The following NGLY1 variants were observed in gnomAD, a reference collection of about 807,000 sequenced individuals.
NGLY1 encodes the protein peptide-N(4)-(N-acetyl-beta-glucosaminyl)asparagine amidase.
In NGLY1, 68 loss-of-function variants were observed where a neutral mutation model predicts 84.6. The ratio of observed to expected loss-of-function variants is 0.80; its 90% CI spans 0.66 to 0.98. The LOEUF (loss-of-function observed/expected upper bound fraction) is 0.98. Ranked by LOEUF, NGLY1 falls within the 50% of genes least tolerant of loss-of-function variation. NGLY1 has a pLI of 0.00. For synonymous variants in NGLY1, 280 were observed against 275.2 expected, an observed-to-expected ratio of 1.02 and a Z score of -0.17; for missense variants, 779 against 770.2, an observed-to-expected ratio of 1.01 and a Z score of -0.14.
intron 10 of NGLY1, among the ~76,000 whole-genome samples, chr3:25,722,274 C>CACATATATATAT (rs145856271): frequency 1.3e-4 from 19 of 148,620 alleles, no homozygotes; most frequent in Non-Finnish European, 2.4e-4. Flanking sequence ...TGTATACACA[C>CACATATATATAT]ATATATATAT....
intron 3 of NGLY1, among the ~76,000 whole-genome samples, chr3:25,762,636 A>G (rs1038834324): frequency 6.6e-6 from 1 of 152,164 alleles, no homozygotes; most frequent in African/African-American, 2.4e-5. Context: ...ACCTGGAACT[A>G]TATCTGAATT....
intron 2 of NGLY1, among the ~76,000 whole-genome samples, chr3:25,765,426 C>T (rs554198344): frequency 6.7e-6 from 1 of 149,926 alleles, no homozygotes; most frequent in Admixed American, 6.7e-5. Context: ...TGCACTCCAG[C>T]CTAGGTGACA....
intron 7 of NGLY1, 177 bp from the exon 8 acceptor site, chr3:25,734,159 A>G (rs1705698860): frequency 1.4e-6 from 1 of 697,538 alleles, no homozygotes; most frequent in Non-Finnish European, 2.2e-6. Context: ...CTCACTTCCC[A>G]GGGTCAAGAG....
At chr3:25,764,451 T>A (rs1440745970) in intron 2 of NGLY1, 140 bp from the exon 3 acceptor site, 67 of 961,002 alleles carry the variant, frequency 7.0e-5, no homozygotes, top group Non-Finnish European at 9.0e-5. Flanking sequence ...CTTACCATTA[T>A]GGTTCTTTTT....
At chr3:25,741,044 C>A (rs1241196382) in intron 4 of NGLY1, among the ~76,000 whole-genome samples, 1 of 151,358 alleles carries the variant, frequency 6.6e-6, no homozygotes, top group African/African-American at 2.4e-5. Flanking sequence ...GGGAGAATCA[C>A]CTGAACCTGG....
rs779826640 is a variant in NGLY1 at position 25,732,369 on chromosome 3, T to G, written c.1375A>C (p.Ile459Leu). The change falls in exon 9 of 12, where the codon ATA becomes CTA. Residue 459 changes from isoleucine (I) to leucine (L), a missense_variant. Ile to Leu is a conservative substitution (Grantham distance 5). Transcript: ENST00000280700. ...TPKPGELGGR[I>L]SGSVAWRVAR... ...ACTCTCCAAGCCACTGACCCAGATA[T>G]TCTTCCCCCAAGTTCTCCAGGTTTA... is the stretch of plus-strand genomic sequence containing the variant. 6.2e-7 allele frequency: 1 copy of G among 1,613,802 alleles called. No homozygotes were observed. The highest frequency in any genetic ancestry group is 2.2e-5 in the East Asian group (1 of 44,854).
intron 1 of NGLY1, among the ~76,000 whole-genome samples, chr3:25,779,105 T>C (rs1009736942): frequency 1.3e-5 from 2 of 151,734 alleles, no homozygotes; most frequent in Non-Finnish European, 2.9e-5. Context: ...CTGGCTAATT[T>C]TGCATTTTTT....
chr3:25,760,921 G>A (rs1042793720), intron 3 of NGLY1, among the ~76,000 whole-genome samples: 11 of 104,708 alleles, frequency 1.1e-4, no homozygotes, highest in African/African-American at 4.4e-4. Context: ...AAAAAAAAAA[G>A]CTCGCACACA....
chr3:25,760,800 C>T (rs562811170), intron 3 of NGLY1, among the ~76,000 whole-genome samples: 148 of 131,872 alleles, frequency 1.1e-3, no homozygotes, highest in Non-Finnish European at 1.9e-3. Flanking sequence ...GCAGAAGTTG[C>T]GGTGAGCCGA....
chr3:25,719,420 G>C lies in NGLY1; in HGVS notation c.*40C>G. On this transcript the variant is annotated 3_prime_UTR_variant, in exon 12 of 12. Coordinates refer to ENST00000280700, the MANE Select transcript of NGLY1 (RefSeq NM_018297.4). ...CTGAACCAACAGACTACTTCAGTAAGTCCTTGATTATTGCCAGCTTTTCTA... is the reference window on the plus strand; with the variant it reads ...CTGAACCAACAGACTACTTCAGTAACTCCTTGATTATTGCCAGCTTTTCTA... 6.3e-7 allele frequency: 1 copy of C among 1,584,272 alleles called. No individual in the cohort carries two copies.
At chr3:25,775,227 G>A (rs1708099439) in intron 2 of NGLY1, among the ~76,000 whole-genome samples, 1 of 152,192 alleles carries the variant, frequency 6.6e-6, no homozygotes, top group Non-Finnish European at 1.5e-5. Flanking sequence ...AAAAGTTCAC[G>A]ATGTGAGTTT....
At chr3:25,764,508 A>G (rs537449943) in intron 2 of NGLY1, among the ~76,000 whole-genome samples, 197 bp from the exon 3 acceptor site, 1 of 150,668 alleles carries the variant, frequency 6.6e-6, no homozygotes, top group Non-Finnish European at 1.5e-5. Context: ...CCAGAAAATT[A>G]AAAAAAAAAT....
chr3:25,780,784 AT>A (rs796375203), intron 1 of NGLY1, among the ~76,000 whole-genome samples: 139 of 144,274 alleles, frequency 9.6e-4, no homozygotes, highest in Admixed American at 2.4e-3. Flanking sequence ...ACGCCTGGCT[AT>A]TTTTTTTTTT....
intron 2 of NGLY1, among the ~76,000 whole-genome samples, chr3:25,773,652 C>G (rs1412081062): frequency 6.6e-6 from 1 of 152,102 alleles, no homozygotes; most frequent in African/African-American, 2.4e-5. Flanking sequence ...TCCATTGCTA[C>G]TATGCTAGTG....
At chr3:25,758,193 A>G (rs1707133626) in intron 3 of NGLY1, among the ~76,000 whole-genome samples, 2 of 152,324 alleles carry the variant, frequency 1.3e-5, no homozygotes, top group South Asian at 4.1e-4. Flanking sequence ...CTAACAATCT[A>G]ATGAGATCTA....
chr3:25,722,272 C>CATATATATAT (rs1308204639), intron 10 of NGLY1, among the ~76,000 whole-genome samples: 128 of 67,288 alleles, frequency 1.9e-3, no homozygotes, highest in African/African-American at 3.3e-3. Flanking sequence ...TCTGTATACA[C>CATATATATAT]ACATATATAT....
intron 4 of NGLY1, among the ~76,000 whole-genome samples, chr3:25,748,371 G>C (rs1706552624): frequency 6.6e-6 from 1 of 152,184 alleles, no homozygotes; most frequent in Admixed American, 6.5e-5. Context: ...TAAAGACAAT[G>C]GGGGAGACGA....
exon 1 of NGLY1, chr3:25,789,952 C>T (rs1708687470): frequency 6.6e-7 from 1 of 1,506,338 alleles, no homozygotes; most frequent in Non-Finnish European, 9.0e-7. Flanking sequence ...TACCCAGCCG[C>T]CTCCCACGGT....
chr3:25,737,298 A>T, intron 6 of NGLY1, 36 bp downstream of exon 6: 2 of 1,539,980 alleles, frequency 1.3e-6, no homozygotes, highest in Non-Finnish European at 1.8e-6. Context: ...AAGCCTGCAA[A>T]GCCCTACTAC....
Sources: allele counts gnomAD v4.1 joint callset (sites outside exome capture counted in the v4.1 genomes callset), GRCh38; gene constraint gnomAD v4.1.1; transcripts MANE v1.5; gene names NCBI Gene and HGNC (gene_info 2026-07-23, HGNC 2026-07-21).